The following NOL4 variants were observed in gnomAD, a reference collection of about 807,000 sequenced individuals.
NOL4 encodes nucleolar protein 4.
A neutral mutation model predicts 75.9 loss-of-function variants in NOL4; 17 were observed. The observed-to-expected ratio is 0.22, with a 90% CI of 0.15 to 0.34. The LOEUF is 0.34. Ranked by LOEUF, NOL4 falls within the 10% of genes least tolerant of loss-of-function variation. The pLI is 1.00. For missense variants in NOL4, 614 were observed against 793.5 expected (o/e 0.77, Z 2.72); for synonymous variants, 292 against 289.9 (o/e 1.01, Z -0.07).
At chr18:33,930,650 T>C (rs1026787324) in intron 9 of NOL4, among the ~76,000 whole-genome samples, 3 of 152,168 alleles carry the variant, frequency 2.0e-5, no homozygotes, top group Non-Finnish European at 2.9e-5. Context: ...AGTATATTTA[T>C]AGGTTATTAA....
chr18:34,027,195 T>C (rs1228644941), intron 5 of NOL4, among the ~76,000 whole-genome samples: 3 of 151,954 alleles, frequency 2.0e-5, no homozygotes, highest in Non-Finnish European at 4.4e-5. Context: ...GAGAGGAGGA[T>C]AGAGAGGAGA....
chr18:34,141,167 C>T (rs1273341946), intron 1 of NOL4, among the ~76,000 whole-genome samples: 1 of 152,102 alleles, frequency 6.6e-6, no homozygotes, highest in Admixed American at 6.6e-5. Flanking sequence ...CAAACCACTG[C>T]TTAACGAAAT....
At chr18:34,108,876 A>G (rs947133075) in intron 2 of NOL4, among the ~76,000 whole-genome samples, 2 of 152,186 alleles carry the variant, frequency 1.3e-5, no homozygotes, top group Admixed American at 1.3e-4. Flanking sequence ...TTATCACCCA[A>G]CAGCAGCAGA....
intron 10 of NOL4, among the ~76,000 whole-genome samples, chr18:33,867,237 G>T (rs2063475512): frequency 2.0e-5 from 3 of 152,058 alleles, no homozygotes; most frequent in Admixed American, 2.0e-4. Flanking sequence ...ATAGCTGTGT[G>T]CTGCATAATT....
At chr18:33,959,989 A>G (rs902416412) in intron 6 of NOL4, among the ~76,000 whole-genome samples, 1 of 151,984 alleles carries the variant, frequency 6.6e-6, no homozygotes, top group African/African-American at 2.4e-5. Context: ...AATTGAAAGA[A>G]CATAAAATAT....
intron 5 of NOL4, 149 bp downstream of exon 5, chr18:34,093,316 A>AC (rs2078613534): frequency 1.4e-6 from 1 of 721,008 alleles, no homozygotes; most frequent in Admixed American, 3.1e-5. Flanking sequence ...AGTGGATGAT[A>AC]TAACCTAAAT....
intron 1 of NOL4, among the ~76,000 whole-genome samples, chr18:34,185,498 T>C (rs2034391304): frequency 6.6e-6 from 1 of 152,094 alleles, no homozygotes; most frequent in South Asian, 2.1e-4. Flanking sequence ...TTATTTTTTT[T>C]TCAAGGTAAA....
At chr18:34,096,900 C>T (rs918931522) in intron 4 of NOL4, among the ~76,000 whole-genome samples, 2 of 152,204 alleles carry the variant, frequency 1.3e-5, no homozygotes, top group East Asian at 3.9e-4. Context: ...GAAATGGAGA[C>T]CCCTAATCTG....
At chr18:33,993,978 G>A (rs2146142584) in intron 6 of NOL4, among the ~76,000 whole-genome samples, 1 of 151,672 alleles carries the variant, frequency 6.6e-6, no homozygotes, top group East Asian at 1.9e-4. Flanking sequence ...AATGAATATA[G>A]AAACCATAAA....
In NOL4 at chr18:33,851,195, C is replaced by G. The variant is rs890825788; in HGVS notation, c.*1647G>C. ...GAATTTTCATTTAAATAAGCAAACT[C>G]TAAATCCACATCTTAAAAGATGTTT... is the stretch of plus-strand genomic sequence containing the variant. On this transcript the variant is annotated 3_prime_UTR_variant, in exon 11 of 11. Transcript: ENST00000261592. 6.6e-6 allele frequency: 1 copy of G among 152,454 alleles called. No homozygotes were observed. The highest frequency in any genetic ancestry group is 2.4e-5 in the African/African-American group (1 of 41,430). The allele number at this position is 152,454 out of a possible 1,614,324, so 9.4% of individuals were successfully genotyped here. A position where few individuals can be genotyped will look rare whatever the true frequency, so the allele number is the denominator to read the frequency against.
rs556949482 is a variant in NOL4 at position 33,852,984 on chromosome 18, G to A, written c.1775C>T (p.Ser592Phe). Residue 592 changes from serine to phenylalanine, a missense_variant, in exon 11 of 11, where the codon TCC (serine) becomes TTC (phenylalanine). By Grantham distance (155) the Ser-to-Phe change is radical. Transcript: ENST00000261592. ...CTGGGGTCTGGAGTTTGAGCTGCTG[G>A]AGGATCCTGAGCTAGTCGCCAATTG... ...KRQLATSSGS[S>F]SSSNSRPQLS... 7.5e-5 allele frequency: 121 copies of A among 1,613,084 alleles called. No individual in the cohort carries two copies. The highest frequency in any genetic ancestry group is 1.9e-4 in the South Asian group (17 of 91,058).
At chr18:33,853,174 T>A in intron 10 of NOL4, 139 bp from the exon 11 acceptor site, 1 of 720,174 alleles carries the variant, frequency 1.4e-6, no homozygotes, top group Non-Finnish European at 2.2e-6. Context: ...ATCAAATACA[T>A]CTACTCTCAG....
chr18:34,171,150 T>C (rs1459468269), intron 1 of NOL4, among the ~76,000 whole-genome samples: 1 of 152,192 alleles, frequency 6.6e-6, no homozygotes, highest in African/African-American at 2.4e-5. Flanking sequence ...TTTACTGTTA[T>C]TAGTTCAATT....
intron 1 of NOL4, among the ~76,000 whole-genome samples, chr18:34,208,862 G>A (rs950678923): frequency 3.3e-5 from 5 of 150,884 alleles, no homozygotes; most frequent in Non-Finnish European, 4.4e-5. Context: ...ACTCCATCTC[G>A]AAAAAATGAA....
intron 10 of NOL4, among the ~76,000 whole-genome samples, chr18:33,866,656 C>T (rs892503418): frequency 6.6e-6 from 1 of 152,010 alleles, no homozygotes; most frequent in Non-Finnish European, 1.5e-5. Context: ...CACAGGATAA[C>T]CTAAAGTGAG....
chr18:34,109,872 A>G (rs967907794), intron 2 of NOL4, among the ~76,000 whole-genome samples: 1 of 151,906 alleles, frequency 6.6e-6, no homozygotes, highest in Non-Finnish European at 1.5e-5. Context: ...AATCATGAAC[A>G]ATTATATATG....
At chr18:34,111,984 G>T (rs2079610115) in intron 2 of NOL4, among the ~76,000 whole-genome samples, 1 of 152,110 alleles carries the variant, frequency 6.6e-6, no homozygotes, top group Admixed American at 6.5e-5. Flanking sequence ...TCCATTTCTG[G>T]GAATATATCC....
intron 5 of NOL4, among the ~76,000 whole-genome samples, chr18:34,030,975 T>C (rs2075612472): frequency 6.6e-6 from 1 of 151,694 alleles, no homozygotes; most frequent in South Asian, 2.1e-4. Context: ...GAACAAGTCA[T>C]GGTGGGGAGA....
At chr18:34,202,437 A>T (rs2035806173) in intron 1 of NOL4, among the ~76,000 whole-genome samples, 1 of 151,992 alleles carries the variant, frequency 6.6e-6, no homozygotes, top group Admixed American at 6.6e-5. Context: ...GTTTATAAAC[A>T]TTAATATTGA....
Sources: allele counts gnomAD v4.1 joint callset (sites outside exome capture counted in the v4.1 genomes callset), GRCh38; gene constraint gnomAD v4.1.1; transcripts MANE v1.5; gene names NCBI Gene and HGNC (gene_info 2026-07-23, HGNC 2026-07-21).